Variants in LATS1 observed in about 807,000 individuals in gnomAD.
The protein encoded by LATS1 is large tumor suppressor kinase 1.
LATS1 carries 25 observed loss-of-function variants against 106.6 expected under a neutral mutation model. The observed-to-expected ratio is 0.23, with a 90% CI of 0.17 to 0.33. LATS1 has a LOEUF of 0.33. LATS1 is among the 10% of genes least tolerant of loss of function. The pLI, the probability that LATS1 is intolerant of heterozygous loss-of-function variation, is 1.00. For synonymous variants in LATS1, 465 were observed against 455.6 expected, an observed-to-expected ratio of 1.02 and a Z score of -0.26; for missense variants, 1,040 against 1,382.6, an observed-to-expected ratio of 0.75 and a Z score of 3.93.
chr6:149,684,324 A>G lies in LATS1; in HGVS notation c.765T>C (p.Thr255=), dbSNP rs2114826341. ...VTPPPPPRGQ[T]PPPRGTTPPP... is the part of the protein sequence containing the mutation. Reference sequence around the variant, plus strand: ...GTGGAGTTGTACCTCTTGGAGGGGGAGTCTGGCCTCTTGGAGGTGGTGGAG... The same window carrying G: ...GTGGAGTTGTACCTCTTGGAGGGGGGGTCTGGCCTCTTGGAGGTGGTGGAG... Residue 255 remains threonine (T), a synonymous_variant, in exon 4 of 8, where the codon ACT becomes ACC. Coordinates refer to ENST00000543571, the MANE Select transcript of LATS1 (RefSeq NM_004690.4). 6.2e-7 allele frequency: 1 copy of G among 1,612,312 alleles called. No individual in the cohort carries two copies. The highest frequency in any genetic ancestry group is 8.5e-7 in the Non-Finnish European group (1 of 1,179,572).
In LATS1 at chr6:149,695,270, C is replaced by G. The variant is rs1782993130; in HGVS notation, c.349-49G>C. 4 of 1,260,958 alleles carry G rather than the reference C, an allele frequency of 3.2e-6. No homozygotes were observed. In the Admixed American group the frequency reaches 8.2e-5, roughly 26 times the overall value. 78.1% of individuals were successfully genotyped at this position (1,260,958 alleles called of 1,614,324 possible). A position where few individuals can be genotyped will look rare whatever the true frequency, so the allele number is the denominator to read the frequency against. On this transcript the variant is annotated intron_variant, in intron 2 of 7. Transcript: ENST00000543571. The stretch of plus-strand genomic sequence containing the variant: ...AAAAAGAAACAAAATTTAAATCTTA[C>G]AATAATACAAGGGAAAGAACACTAT...
intron 1 of LATS1, among the ~76,000 whole-genome samples, chr6:149,710,304 T>G (rs1042401417): frequency 2.6e-5 from 4 of 152,116 alleles, no homozygotes; most frequent in African/African-American, 9.7e-5. Flanking sequence ...TTTTACAGAG[T>G]TTGACTCTTC....
At chr6:149,713,166 G>C (rs1488645393) in intron 1 of LATS1, among the ~76,000 whole-genome samples, 1 of 152,120 alleles carries the variant, frequency 6.6e-6, no homozygotes, top group Non-Finnish European at 1.5e-5. Context: ...CAATGGATGA[G>C]AGTTCCTTCC....
At chr6:149,678,267 C>G (rs922626859) in intron 5 of LATS1, among the ~76,000 whole-genome samples, 1 of 150,740 alleles carries the variant, frequency 6.6e-6, no homozygotes, top group Non-Finnish European at 1.5e-5. Context: ...TGGCGTGAAC[C>G]TGGGAGGCAG....
intron 3 of LATS1, among the ~76,000 whole-genome samples, chr6:149,686,770 CTA>C (rs1197419239): frequency 6.6e-6 from 1 of 152,204 alleles, no homozygotes; most frequent in Non-Finnish European, 1.5e-5. Context: ...CCTATTTGCT[CTA>C]TTTCATTCAG....
chr6:149,679,657 A>G (rs1781927603), intron 5 of LATS1, among the ~76,000 whole-genome samples: 1 of 152,156 alleles, frequency 6.6e-6, no homozygotes, highest in Admixed American at 6.5e-5. Context: ...AGTCTAGCAC[A>G]TTCTTTCATT....
At position 149,660,727 on chromosome 6, in the gene LATS1, A is replaced by G; in HGVS notation, c.*1002T>C. ...CCTAATTATTAATGGCCATCTTAAG[A>G]GTTAATTTTTTCACCAATTAATCTG... On this transcript the variant is annotated 3_prime_UTR_variant, in exon 8 of 8. Transcript: ENST00000543571. The G allele has an allele frequency of 4.4e-6, 1 of 228,596 alleles. No homozygotes were observed. Among genetic ancestry groups the G allele is most frequent in the East Asian group, 6.3e-5 (1 of 15,758 alleles). The allele number at this position is 228,596 out of a possible 1,614,324, so 14.2% of individuals were successfully genotyped here.
chr6:149,716,261 G>A (rs998310047), intron 1 of LATS1: 3 of 152,158 alleles, frequency 2.0e-5, no homozygotes, highest in African/African-American at 7.2e-5. Flanking sequence ...AGGCTGTGGT[G>A]GGAGGATTGC....
chr6:149,701,042 C>T (rs1463553168), intron 2 of LATS1, among the ~76,000 whole-genome samples: 1 of 152,226 alleles, frequency 6.6e-6, no homozygotes, highest in Non-Finnish European at 1.5e-5. Context: ...CTTGGCTTCC[C>T]AAAGGGCTGG....
chr6:149,678,440 T>C (rs1781854408), intron 5 of LATS1, among the ~76,000 whole-genome samples: 1 of 152,216 alleles, frequency 6.6e-6, no homozygotes, highest in Non-Finnish European at 1.5e-5. Flanking sequence ...CTAGGAATCA[T>C]ATTTTTAAGA....
Position 149,680,401 on chromosome 6 carries a change from T to C in LATS1, c.2067A>G (p.Glu689=), listed in dbSNP as rs1250078069. Residue 689 remains glutamate, a synonymous_variant, in exon 5 of 8, where the codon GAA becomes GAG. Transcript: ENST00000543571. Reference sequence around the variant, plus strand: ...CCCTTTTAAGACGGATGTAATTAGATTCTTTTTGGCAAAGCATCTTTCTCA... The same window carrying C: ...CCCTTTTAAGACGGATGTAATTAGACTCTTTTTGGCAAAGCATCTTTCTCA... The part of the protein sequence containing the change: ...DQMRKMLCQK[E]SNYIRLKRAK... 1 of 1,613,754 alleles carries C rather than the reference T, an allele frequency of 6.2e-7. No homozygotes were observed.
intron 5 of LATS1, among the ~76,000 whole-genome samples, chr6:149,678,164 C>CAAAA (rs56884854): frequency 0.017 from 727 of 43,498 alleles, 221 homozygotes; most frequent in East Asian, 0.04. Context: ...ACTAAAAATC[C>CAAAA]AAAAAAAAAA....
In LATS1 at chr6:149,683,131, G is replaced by A; in HGVS notation, c.1958C>T (p.Ser653Phe). The A allele has an allele frequency of 6.2e-7, 1 of 1,613,368 alleles. No individual in the cohort carries two copies. ...TTTACGATGTAGACGCTGCTGATGA[G>A]ATTTGAGTACATTTTCTACATGTTG... ...MEQHVENVLK[S>F]HQQRLHRKKQ... The change falls in exon 4 of 8, where the codon TCT becomes TTT. Residue 653 changes from serine to phenylalanine, a missense_variant. By Grantham distance (155) the Ser-to-Phe change is radical. Around this residue, in one of 7 missense-constraint regions of LATS1, gnomAD observed 167 missense variants for 332.1 expected, o/e 0.50. Coordinates refer to ENST00000543571, the MANE Select transcript of LATS1 (RefSeq NM_004690.4).
intron 4 of LATS1, chr6:149,682,832 C>T (rs1032945016): frequency 2.6e-5 from 13 of 505,424 alleles, no homozygotes; most frequent in East Asian, 1.0e-4. Context: ...AACTGTATAC[C>T]GCAAATTATA....
intron 7 of LATS1, among the ~76,000 whole-genome samples, chr6:149,665,489 G>A (rs1210440307): frequency 1.3e-5 from 2 of 152,182 alleles, no homozygotes; most frequent in Admixed American, 1.3e-4. Context: ...TATTGGCAGA[G>A]TTGGATAAGT....
Position 149,683,975 on chromosome 6 carries a change from G to C in LATS1, c.1114C>G (p.Pro372Ala). 6.2e-7 allele frequency: 1 copy of C among 1,614,216 alleles called. No homozygotes were observed. The highest frequency in any genetic ancestry group is 8.5e-7 in the Non-Finnish European group (1 of 1,180,042). ...VVPAGTVNRQPPPPYPLTAAN... is the reference protein window; with the variant it reads ...VVPAGTVNRQAPPPYPLTAAN... Reference sequence around the variant, plus strand: ...GCTGTCAGAGGATATGGAGGTGGTGGCTGCCGATTCACAGTGCCAGCAGGG... The same window carrying C: ...GCTGTCAGAGGATATGGAGGTGGTGCCTGCCGATTCACAGTGCCAGCAGGG... The change falls in exon 4 of 8, where the codon CCA (proline) becomes GCA (alanine). Residue 372 changes from proline to alanine, a missense_variant. This residue lies in a region of LATS1 where 624 missense variants were observed against 714.8 expected (regional missense o/e 0.87). Transcript: ENST00000543571.
intron 3 of LATS1, among the ~76,000 whole-genome samples, chr6:149,691,820 C>CA (rs1428957074): frequency 6.6e-6 from 1 of 152,106 alleles, no homozygotes; most frequent in East Asian, 1.9e-4. Context: ...TGATCTTTCC[C>CA]ACCCAATTCC....
At position 149,660,373 on chromosome 6, in the gene LATS1, C is replaced by T. The variant is rs979884032; in HGVS notation, c.*1356G>A. On this transcript the variant is annotated 3_prime_UTR_variant, in exon 8 of 8. Coordinates refer to ENST00000543571, the MANE Select transcript of LATS1 (RefSeq NM_004690.4). Reference sequence around the variant, plus strand: ...TCTGCCTTTAATTTTACTACATATACGGTTTCAATTAGCTTTTATGCGAAG... The same window carrying T: ...TCTGCCTTTAATTTTACTACATATATGGTTTCAATTAGCTTTTATGCGAAG... 4 of 232,846 alleles carry T rather than the reference C, an allele frequency of 1.7e-5. No homozygotes were observed. Among genetic ancestry groups the T allele is most frequent in the Admixed American group, 5.6e-5 (1 of 17,744 alleles). The allele number at this position is 232,846 out of a possible 1,614,324, so 14.4% of individuals were successfully genotyped here. A position where few individuals can be genotyped will look rare whatever the true frequency, so the allele number is the denominator to read the frequency against.
intron 7 of LATS1, among the ~76,000 whole-genome samples, chr6:149,669,325 G>A (rs1562319998): frequency 6.6e-6 from 1 of 151,632 alleles, no homozygotes; most frequent in Admixed American, 6.6e-5. Context: ...AGTAGAGACG[G>A]GGTTTCACCG....
Sources: allele counts gnomAD v4.1 joint callset (sites outside exome capture counted in the v4.1 genomes callset), GRCh38; gene constraint gnomAD v4.1.1; regional missense constraint gnomAD v4.1.1; transcripts MANE v1.5; gene names NCBI Gene and HGNC (gene_info 2026-07-23, HGNC 2026-07-21).